CDH13: variants seen among roughly 807,000 people sequenced by gnomAD.
The protein encoded by CDH13 is cadherin 13.
A neutral mutation model predicts 63.8 loss-of-function variants in CDH13; 24 were observed. The observed-to-expected ratio is 0.38, with a 90% CI of 0.27 to 0.53. The LOEUF (loss-of-function observed/expected upper bound fraction) is 0.53. Ranked by LOEUF, CDH13 falls within the 20% of genes least tolerant of loss-of-function variation. CDH13 has a pLI of 0.85. For missense variants in CDH13, 1,049 were observed against 903.1 expected, an observed-to-expected ratio of 1.16 and a Z score of -2.07; for synonymous variants, 503 against 355.3, an observed-to-expected ratio of 1.42 and a Z score of -4.67.
intron 5 of CDH13, among the ~76,000 whole-genome samples, chr16:83,334,073 C>T (rs140465275): frequency 4.6e-5 from 7 of 152,148 alleles, no homozygotes; most frequent in East Asian, 1.9e-4. Context: ...TTCTAAAGGC[C>T]ACGCACATTC....
At chr16:82,783,022 A>C (rs2035838494) in intron 1 of CDH13, among the ~76,000 whole-genome samples, 1 of 152,220 alleles carries the variant, frequency 6.6e-6, no homozygotes, top group African/African-American at 2.4e-5. Flanking sequence ...TGGGACCCAC[A>C]GCGTCTCCTT....
At chr16:82,884,438 G>T in intron 2 of CDH13, 5 of 307,070 alleles carry the variant, frequency 1.6e-5, no homozygotes, top group South Asian at 1.2e-4. Flanking sequence ...AAGATGCTTA[G>T]TTAACAGCAG....
intron 6 of CDH13, among the ~76,000 whole-genome samples, chr16:83,380,974 T>C (rs1441244558): frequency 6.6e-6 from 1 of 152,096 alleles, no homozygotes; most frequent in Non-Finnish European, 1.5e-5. Context: ...AGTTAGTATA[T>C]AACCTTCTTG....
At chr16:82,997,047 A>ATAG (rs1182048245) in intron 2 of CDH13, among the ~76,000 whole-genome samples, 2 of 139,152 alleles carry the variant, frequency 1.4e-5, no homozygotes, top group African/African-American at 2.8e-5. Context: ...GATGATGATG[A>ATAG]TGATGATAGT....
At chr16:83,446,235 A>C (rs1421073013) in intron 6 of CDH13, among the ~76,000 whole-genome samples, 1 of 151,336 alleles carries the variant, frequency 6.6e-6, no homozygotes, top group Non-Finnish European at 1.5e-5. Flanking sequence ...CCCAGCAGGC[A>C]GAGGTTGCGG....
intron 4 of CDH13, among the ~76,000 whole-genome samples, chr16:83,134,848 C>G (rs1426569325): frequency 6.6e-6 from 1 of 152,144 alleles, no homozygotes; most frequent in Non-Finnish European, 1.5e-5. Context: ...AAACTTCCCT[C>G]CATGATCTAC....
intron 6 of CDH13, among the ~76,000 whole-genome samples, chr16:83,451,888 A>C (rs897234118): frequency 1.3e-5 from 2 of 152,118 alleles, no homozygotes; most frequent in Non-Finnish European, 2.9e-5. Flanking sequence ...TTTATATTCG[A>C]GGTTAATTTA....
chr16:82,850,072 T>C (rs1238358491), intron 1 of CDH13, among the ~76,000 whole-genome samples: 1 of 152,354 alleles, frequency 6.6e-6, no homozygotes, highest in Non-Finnish European at 1.5e-5. Flanking sequence ...AGAAGAAATA[T>C]TGACTTTCAA....
chr16:83,072,917 T>G (rs2032544352), intron 3 of CDH13, among the ~76,000 whole-genome samples: 1 of 152,310 alleles, frequency 6.6e-6, no homozygotes, highest in Non-Finnish European at 1.5e-5. Flanking sequence ...TCATATTCCT[T>G]TTAAATATAC....
At chr16:83,438,618 A>G (rs1487087895) in intron 6 of CDH13, among the ~76,000 whole-genome samples, 1 of 152,250 alleles carries the variant, frequency 6.6e-6, no homozygotes, top group African/African-American at 2.4e-5. Context: ...TTAAAAAGCA[A>G]TAATACAAAA....
chr16:83,740,607 A>G lies in CDH13; in HGVS notation c.1539-7501A>G, dbSNP rs150514176. On this transcript the variant is annotated intron_variant, in intron 10 of 13. Coordinates refer to ENST00000567109, the MANE Select transcript of CDH13 (RefSeq NM_001257.5). ...CAGAAGATGCCAGCTGCCATATGCC[A>G]GTCAGAATTGTCATGTGCTAGAGCC... is the stretch of plus-strand genomic sequence containing the variant. Among the ~76,000 whole-genome samples, 6 of 152,304 alleles carry G rather than the reference A, an allele frequency of 3.9e-5. No homozygotes were observed. The East Asian group carries it at 7.7e-4, about 20-fold the overall frequency.
chr16:83,386,408 C>T (rs1236533703), intron 6 of CDH13, among the ~76,000 whole-genome samples: 1 of 152,150 alleles, frequency 6.6e-6, no homozygotes, highest in Non-Finnish European at 1.5e-5. Context: ...TCCCATGGCT[C>T]AAGCTGAGAC....
At chr16:83,537,736 C>T (rs2150642219) in intron 7 of CDH13, among the ~76,000 whole-genome samples, 1 of 152,214 alleles carries the variant, frequency 6.6e-6, no homozygotes, top group Middle Eastern at 3.4e-3. Flanking sequence ...TATTAGATTA[C>T]CTTGAATTTG....
Position 83,672,409 on chromosome 16 carries a change from CTTTTTTTTTTTTTTT to C in CDH13, c.1284+1457_1284+1471del, listed in dbSNP as rs34156503. 5.7e-4 allele frequency among the ~76,000 whole-genome samples: 20 copies of C among 35,144 alleles called. No homozygotes were observed. The East Asian group carries it at 8.4e-3, about 15-fold the overall frequency. The allele number at this position is 35,144 out of a possible 152,430, so 23.1% of individuals were successfully genotyped here. ...AGAGTGAGGCAGCTCTCTGGATTCT[CTTTTTTTTTTTTTTT>C]TTTTTTTTTTTTTTTTTTTGAGACA... On this transcript the variant is annotated intron_variant, in intron 9 of 13. Transcript: ENST00000567109.
At chr16:83,114,728 T>A (rs2035216740) in intron 3 of CDH13, among the ~76,000 whole-genome samples, 1 of 152,152 alleles carries the variant, frequency 6.6e-6, no homozygotes, top group Non-Finnish European at 1.5e-5. Context: ...GAAAGTTGGA[T>A]ATTTGTTGGG....
At chr16:83,555,493 G>C (rs1410963988) in intron 7 of CDH13, among the ~76,000 whole-genome samples, 1 of 152,154 alleles carries the variant, frequency 6.6e-6, no homozygotes, top group African/African-American at 2.4e-5. Context: ...CTGGTGCTTG[G>C]ATTTCCAGTG....
intron 5 of CDH13, among the ~76,000 whole-genome samples, chr16:83,306,405 G>T (rs1013780772): frequency 6.6e-6 from 1 of 152,120 alleles, no homozygotes; most frequent in East Asian, 1.9e-4. Flanking sequence ...TCTTGCTTTT[G>T]AGAGCCCAGA....
At chr16:82,816,864 A>G (rs1188541009) in intron 1 of CDH13, among the ~76,000 whole-genome samples, 1 of 151,768 alleles carries the variant, frequency 6.6e-6, no homozygotes, top group African/African-American at 2.4e-5. Context: ...TGAAGCTCCA[A>G]CTCAGCACAG....
At chr16:83,498,156 G>A (rs953445498) in intron 7 of CDH13, among the ~76,000 whole-genome samples, 16 of 152,212 alleles carry the variant, frequency 1.1e-4, no homozygotes, top group Non-Finnish European at 2.4e-4. Flanking sequence ...TTATGTTAGA[G>A]CCCTGATAGG....
Sources: gnomAD v4.1 joint callset for allele counts (sites outside exome capture counted in the v4.1 genomes callset) on GRCh38, gnomAD v4.1.1 for gene constraint, MANE v1.5 for transcripts, NCBI Gene and HGNC (gene_info 2026-07-23, HGNC 2026-07-21) for gene names.